Variants in SLC36A2 observed in about 807,000 individuals in gnomAD.
SLC36A2 encodes the protein proton-coupled amino acid transporter 2.
SLC36A2 carries 39 observed loss-of-function variants against 42.7 expected under a neutral mutation model. The ratio of observed to expected loss-of-function variants is 0.91; its 90% CI spans 0.71 to 1.19. The LOEUF is 1.19. Ranked by LOEUF, SLC36A2 falls within the 50% of genes most tolerant of loss-of-function variation. SLC36A2 has a pLI of 0.00. For synonymous variants in SLC36A2, 237 were observed against 240.8 expected, an observed-to-expected ratio of 0.98 and a Z score of 0.15; for missense variants, 590 against 613.7, an observed-to-expected ratio of 0.96 and a Z score of 0.41.
chr5:151,343,975 G>C (rs954353973), intron 2 of SLC36A2, among the ~76,000 whole-genome samples: 5 of 152,114 alleles, frequency 3.3e-5, no homozygotes, highest in Non-Finnish European at 7.3e-5. Flanking sequence ...GGCCCATAGA[G>C]CAGGCAAATG....
At position 151,339,857 on chromosome 5, in the gene SLC36A2, G is replaced by T. The variant is rs1756271006; in HGVS notation, c.441-713C>A. Among the ~76,000 whole-genome samples the T allele has an allele frequency of 3.9e-5, 6 of 152,178 alleles. 2 individuals are homozygous for T. Among genetic ancestry groups the T allele is most frequent in the Admixed American group, 3.9e-4 (6 of 15,272 alleles). The stretch of plus-strand genomic sequence containing the variant: ...AGAATACACAGACAAATAACATACA[G>T]TCCCTTCCTCTTGTGGTTTATAGAC... On this transcript the variant is annotated intron_variant, in intron 4 of 9. Coordinates refer to ENST00000335244, the MANE Select transcript of SLC36A2 (RefSeq NM_181776.3).
intron 6 of SLC36A2, among the ~76,000 whole-genome samples, chr5:151,334,967 C>T (rs1054654274): frequency 6.6e-5 from 10 of 151,496 alleles, no homozygotes; most frequent in South Asian, 2.1e-4. Context: ...CTATGGGTAA[C>T]GCAATAACTT....
rs72087431 is a variant in SLC36A2 at position 151,316,762 on chromosome 5, A to AAAG, written c.*54_*55insCTT. 1.2e-4 allele frequency: 192 copies of AAAG among 1,538,106 alleles called. No individual in the cohort carries two copies. The African/African-American group carries it at 2.5e-3, about 20-fold the overall frequency. On this transcript the variant is annotated 3_prime_UTR_variant, in exon 10 of 10. Coordinates refer to ENST00000335244, the MANE Select transcript of SLC36A2 (RefSeq NM_181776.3). ...TCTCAAAAAAAAAAAAAAAAAAAAA[A>AAAG]AGAGATCCATATAATTAAAAGTCGG...
chr5:151,335,486 G>A lies in SLC36A2; in HGVS notation c.587C>T (p.Thr196Ile), dbSNP rs146604514. ...GTAGAGTCGCGAGTCCATGGTGGGG[G>A]TCAGAATCACCGTCTCATTGGAATA... ...NCYSNETVIL[T>I]PTMDSRLYML... Residue 196 changes from threonine (T) to isoleucine (I), a missense_variant, in exon 6 of 10, where the codon ACC becomes ATC. Transcript: ENST00000335244. 2.1e-3 allele frequency: 3,337 copies of A among 1,614,146 alleles called. 3 individuals carry two copies. Among genetic ancestry groups the A allele is most frequent in the Middle Eastern group, 5.1e-3 (31 of 6,062 alleles).
intron 8 of SLC36A2, 130 bp from the exon 9 acceptor site, chr5:151,322,345 G>T: frequency 9.4e-7 from 1 of 1,064,428 alleles, no homozygotes; most frequent in Non-Finnish European, 1.4e-6. Flanking sequence ...TGACTGAGAG[G>T]GACCTTCTAA....
chr5:151,347,216 G>A, intron 1 of SLC36A2, 81 bp downstream of exon 1: 1 of 1,549,356 alleles, frequency 6.5e-7, no homozygotes, highest in Non-Finnish European at 8.9e-7. Flanking sequence ...TTGAGGGTCA[G>A]ACACACCCAC....
chr5:151,325,183 G>GCT, intron 8 of SLC36A2, 103 bp downstream of exon 8: 1 of 1,344,928 alleles, frequency 7.4e-7, no homozygotes, highest in East Asian at 2.5e-5. Context: ...TCTGTGGGAG[G>GCT]CTCTCTAGAC....
At chr5:151,330,360 C>T (rs1384370935) in intron 7 of SLC36A2, among the ~76,000 whole-genome samples, 1 of 152,064 alleles carries the variant, frequency 6.6e-6, no homozygotes, top group African/African-American at 2.4e-5. Context: ...GCAGATTTCT[C>T]ATCAGAAACC....
At chr5:151,336,441 T>C (rs1028674815) in intron 5 of SLC36A2, among the ~76,000 whole-genome samples, 2 of 151,374 alleles carry the variant, frequency 1.3e-5, no homozygotes, top group African/African-American at 4.9e-5. Context: ...ACTTATTTTC[T>C]GCTTAAATTC....
chr5:151,334,726 A>G (rs1756097301), intron 6 of SLC36A2, among the ~76,000 whole-genome samples: 1 of 152,158 alleles, frequency 6.6e-6, no homozygotes, highest in African/African-American at 2.4e-5. Flanking sequence ...AATAAAAGAA[A>G]AATTAGAAAG....
At chr5:151,335,984 C>T (rs1160997286) in intron 5 of SLC36A2, among the ~76,000 whole-genome samples, 3 of 146,240 alleles carry the variant, frequency 2.1e-5, no homozygotes, top group Admixed American at 2.0e-4. Context: ...GCCTGGGCAA[C>T]AGAGTAAGGC....
chr5:151,344,839 C>T (rs979173322), intron 1 of SLC36A2, among the ~76,000 whole-genome samples: 5 of 152,154 alleles, frequency 3.3e-5, no homozygotes, highest in African/African-American at 4.8e-5. Context: ...CAGGCTTGAA[C>T]ACAGAGAAAA....
intron 1 of SLC36A2, among the ~76,000 whole-genome samples, chr5:151,346,647 C>CCTAAG (rs1756505320): frequency 6.6e-6 from 1 of 152,160 alleles, no homozygotes; most frequent in Non-Finnish European, 1.5e-5. Context: ...ACTAGCAAGT[C>CCTAAG]TGGTTGGGTG....
intron 9 of SLC36A2, 96 bp from the exon 10 acceptor site, chr5:151,317,184 G>T: frequency 6.7e-7 from 1 of 1,482,852 alleles, no homozygotes; most frequent in Non-Finnish European, 9.2e-7. Flanking sequence ...AGGCACAGTG[G>T]CTCACACTTG....
intron 6 of SLC36A2, 43 bp from the exon 7 acceptor site, chr5:151,333,365 A>C: frequency 6.6e-7 from 1 of 1,514,478 alleles, no homozygotes. Flanking sequence ...CTCTTAAAGC[A>C]CATTTGAGCT....
intron 6 of SLC36A2, among the ~76,000 whole-genome samples, chr5:151,334,904 A>G (rs1004457162): frequency 6.6e-6 from 1 of 151,992 alleles, no homozygotes; most frequent in African/African-American, 2.4e-5. Flanking sequence ...CTCTGTGACT[A>G]AATATTAGAT....
intron 7 of SLC36A2, among the ~76,000 whole-genome samples, chr5:151,331,429 G>C (rs2127292609): frequency 6.6e-6 from 1 of 151,868 alleles, no homozygotes; most frequent in South Asian, 2.1e-4. Context: ...TGATTCTCCT[G>C]CTTGGTTTCC....
At chr5:151,328,380 T>C (rs1301529394) in intron 7 of SLC36A2, among the ~76,000 whole-genome samples, 2 of 152,238 alleles carry the variant, frequency 1.3e-5, no homozygotes, top group Non-Finnish European at 2.9e-5. Context: ...CTTCTTCCCA[T>C]ACATCCTAGT....
chr5:151,323,242 A>AACAG (rs1755748158), intron 8 of SLC36A2, among the ~76,000 whole-genome samples: 1 of 102,776 alleles, frequency 9.7e-6, no homozygotes, highest in Non-Finnish European at 2.0e-5. Flanking sequence ...CTCAAAAATA[A>AACAG]ATAGATAGAT....
Sources: allele counts gnomAD v4.1 joint callset (sites outside exome capture counted in the v4.1 genomes callset), GRCh38; gene constraint gnomAD v4.1.1; transcripts MANE v1.5; gene names NCBI Gene and HGNC (gene_info 2026-07-23, HGNC 2026-07-21).